Variants in NT5C3A observed in about 807,000 individuals in gnomAD.
NT5C3A encodes the protein cytosolic 5'-nucleotidase 3A.
Under a neutral mutation model 40.0 loss-of-function variants are expected in NT5C3A, and 23 were observed. The ratio of observed to expected loss-of-function variants is 0.58; its 90% CI spans 0.41 to 0.81. NT5C3A has a LOEUF of 0.81. NT5C3A is among the 40% of genes least tolerant of loss of function. The probability of loss-of-function intolerance (pLI) is 0.00; values close to 1 mark genes in which losing one functional copy is unlikely to be tolerated. For missense variants in NT5C3A, 328 were observed against 403.0 expected (o/e 0.81, Z 1.59); for synonymous variants, 130 against 141.4 (o/e 0.92, Z 0.57).
intron 1 of NT5C3A, among the ~76,000 whole-genome samples, chr7:33,030,869 G>A (rs1475094892): frequency 6.6e-6 from 1 of 152,034 alleles, no homozygotes; most frequent in Non-Finnish European, 1.5e-5. Flanking sequence ...GGAGGCTGAG[G>A]CGGGCGGATC....
intron 7 of NT5C3A, among the ~76,000 whole-genome samples, chr7:33,016,302 A>C (rs1785322958): frequency 6.8e-6 from 1 of 146,198 alleles, no homozygotes; most frequent in Non-Finnish European, 1.5e-5. Flanking sequence ...TGAACCCAGG[A>C]GGTGGAGGTT....
intron 1 of NT5C3A, among the ~76,000 whole-genome samples, chr7:33,051,405 G>T (rs1276249136): frequency 6.6e-6 from 1 of 151,942 alleles, no homozygotes; most frequent in Non-Finnish European, 1.5e-5. Flanking sequence ...TTTGTGATCC[G>T]CCCGCCTCGG....
chr7:33,018,664 C>T (rs528329155), intron 6 of NT5C3A, among the ~76,000 whole-genome samples: 1 of 152,054 alleles, frequency 6.6e-6, no homozygotes, highest in South Asian at 2.1e-4. Flanking sequence ...TCCTGGCTAA[C>T]TCGGTGAAAC....
chr7:33,035,976 G>T lies in NT5C3A; in HGVS notation c.139-9061C>A, dbSNP rs934016307. On this transcript the variant is annotated intron_variant, in intron 1 of 8. Coordinates refer to ENST00000610140, the MANE Select transcript of NT5C3A (RefSeq NM_001002010.5). Reference sequence around the variant, plus strand: ...CAGACTCTTGATTAGTCATTTCTTGGTTATCCAATCTTCTGGATTTTCCCA... The same window carrying T: ...CAGACTCTTGATTAGTCATTTCTTGTTTATCCAATCTTCTGGATTTTCCCA... 6.2e-6 allele frequency: 10 copies of T among 1,604,836 alleles called. No individual in the cohort carries two copies. The African/African-American group carries it at 1.2e-4, about 19-fold the overall frequency.
intron 1 of NT5C3A, among the ~76,000 whole-genome samples, chr7:33,059,619 G>C (rs1390536630): frequency 6.6e-6 from 1 of 152,202 alleles, no homozygotes; most frequent in Non-Finnish European, 1.5e-5. Context: ...CTATGAAGTA[G>C]GTACTATCAT....
intron 1 of NT5C3A, among the ~76,000 whole-genome samples, chr7:33,029,040 A>AT (rs534314056): frequency 6.6e-6 from 1 of 152,104 alleles, no homozygotes; most frequent in Non-Finnish European, 1.5e-5. Context: ...TAACATTAAA[A>AT]TTTTCTCCAT....
chr7:33,033,751 GCT>G (rs1786418134), intron 1 of NT5C3A, among the ~76,000 whole-genome samples: 1 of 151,876 alleles, frequency 6.6e-6, no homozygotes, highest in African/African-American at 2.4e-5. Flanking sequence ...AAGAGAAATA[GCT>G]CTGTTTGTAT....
chr7:33,026,604 G>A (rs953159796), intron 2 of NT5C3A, among the ~76,000 whole-genome samples: 7 of 151,230 alleles, frequency 4.6e-5, no homozygotes, highest in African/African-American at 7.3e-5. Flanking sequence ...TTGTCCACCC[G>A]CCTCGGCCTC....
intron 1 of NT5C3A, among the ~76,000 whole-genome samples, chr7:33,044,630 AT>A (rs961966057): frequency 6.6e-6 from 1 of 152,050 alleles, no homozygotes; most frequent in African/African-American, 2.4e-5. Context: ...CAAATGGAAG[AT>A]TTTTTTTCCT....
chr7:33,047,969 GCCA>G (rs1464190617), intron 1 of NT5C3A, among the ~76,000 whole-genome samples: 1 of 150,408 alleles, frequency 6.6e-6, no homozygotes, highest in Non-Finnish European at 1.5e-5. Context: ...ATAGGCATGT[GCCA>G]CCACACCTGG....
chr7:33,058,487 C>T (rs1262322324), intron 1 of NT5C3A, among the ~76,000 whole-genome samples: 1 of 152,016 alleles, frequency 6.6e-6, no homozygotes, highest in African/African-American at 2.4e-5. Context: ...GCTAGGATTA[C>T]AGGCACCCGC....
intron 1 of NT5C3A, among the ~76,000 whole-genome samples, chr7:33,028,657 C>T (rs956857519): frequency 4.6e-5 from 7 of 152,118 alleles, no homozygotes; most frequent in South Asian, 2.1e-4. Context: ...AATCTCACCA[C>T]GTAAATCTAT....
intron 5 of NT5C3A, among the ~76,000 whole-genome samples, chr7:33,019,999 T>G (rs1028502278): frequency 6.6e-6 from 1 of 152,178 alleles, no homozygotes; most frequent in Non-Finnish European, 1.5e-5. Flanking sequence ...CTTTCCTAAT[T>G]CTACACATAA....
In NT5C3A at chr7:33,024,079, A is replaced by G. The variant is rs1300261489; in HGVS notation, c.267T>C (p.Ser89=). Residue 89 remains serine, a synonymous_variant, in exon 3 of 9, where the codon AGT becomes AGC. Transcript: ENST00000610140. ...ATCTTTTCCCTTTATATGAAAATCT[A>G]CTGAGTGTCATATCAAAGTCCGTTA... ...QIITDFDMTL[S]RFSYKGKRCP... 16 of 1,584,990 alleles carry G rather than the reference A, an allele frequency of 1.0e-5. No individual in the cohort carries two copies. The highest frequency in any genetic ancestry group is 1.4e-5 in the Non-Finnish European group (16 of 1,154,056).
intron 1 of NT5C3A, among the ~76,000 whole-genome samples, chr7:33,048,176 TTGTGTG>T (rs10582278): frequency 1.0e-4 from 15 of 148,514 alleles, no homozygotes; most frequent in African/African-American, 1.5e-4. Flanking sequence ...TACATTTGAT[TTGTGTG>T]TGTGTGTGTG....
intron 1 of NT5C3A, among the ~76,000 whole-genome samples, chr7:33,036,545 C>T (rs1420826454): frequency 6.6e-6 from 1 of 151,986 alleles, no homozygotes; most frequent in African/African-American, 2.4e-5. Context: ...GAATCTGAAG[C>T]TCTCCTGTAA....
At chr7:33,042,835 T>C (rs1053434553) in intron 1 of NT5C3A, among the ~76,000 whole-genome samples, 28 of 152,220 alleles carry the variant, frequency 1.8e-4, no homozygotes, top group African/African-American at 6.8e-4. Context: ...AAATTTGTTT[T>C]ATAATTCTGG....
intron 1 of NT5C3A, among the ~76,000 whole-genome samples, chr7:33,031,945 T>C (rs555726798): frequency 6.6e-6 from 1 of 152,130 alleles, no homozygotes; most frequent in Admixed American, 6.5e-5. Flanking sequence ...GCCAACATAG[T>C]GAAACCCTGT....
chr7:33,035,254 C>T (rs555877822), intron 1 of NT5C3A, among the ~76,000 whole-genome samples: 3 of 128,258 alleles, frequency 2.3e-5, no homozygotes, highest in South Asian at 5.2e-4. Flanking sequence ...AGTGCAGTGG[C>T]GCAATCTTGG....
Sources: allele counts gnomAD v4.1 joint callset (sites outside exome capture counted in the v4.1 genomes callset), GRCh38; gene constraint gnomAD v4.1.1; transcripts MANE v1.5; gene names NCBI Gene and HGNC (gene_info 2026-07-23, HGNC 2026-07-21).